The following TPRG1 variants were observed in gnomAD, a reference collection of about 807,000 sequenced individuals.
TPRG1 encodes tumor protein p63 regulated 1.
A neutral mutation model predicts 29.3 loss-of-function variants in TPRG1; 29 were observed. That is an observed-to-expected ratio of 0.99 (90% CI 0.74 to 1.35). The LOEUF (loss-of-function observed/expected upper bound fraction) is 1.35, where lower values mean the gene tolerates loss of function less well. Ranked by LOEUF, TPRG1 falls within the 40% of genes most tolerant of loss-of-function variation. TPRG1 has a pLI of 0.00. For missense variants in TPRG1, 327 were observed against 335.0 expected (o/e 0.98, Z 0.19); for synonymous variants, 130 against 116.8 (o/e 1.11, Z -0.73).
At chr3:189,244,078 T>A (rs1427673356) in intron 4 of TPRG1, among the ~76,000 whole-genome samples, 4 of 152,156 alleles carry the variant, frequency 2.6e-5, no homozygotes, top group Non-Finnish European at 5.9e-5. Flanking sequence ...ACCAATTTTC[T>A]GTATTATTCT....
chr3:189,162,302 C>T (rs1485785404), intron 5 of TPRG1, among the ~76,000 whole-genome samples: 2 of 151,988 alleles, frequency 1.3e-5, no homozygotes, highest in Non-Finnish European at 2.9e-5. Context: ...CGAAGAAGGA[C>T]CATTCTAAGA....
upstream of TPRG1, among the ~76,000 whole-genome samples, chr3:189,095,849 A>C (rs1718640252): frequency 6.6e-6 from 1 of 152,150 alleles, no homozygotes; most frequent in African/African-American, 2.4e-5. Flanking sequence ...GGGATAGAAG[A>C]AGCTCAGCCA....
chr3:189,284,354 C>T (rs184708060), intron 4 of TPRG1, among the ~76,000 whole-genome samples: 1 of 114,802 alleles, frequency 8.7e-6, no homozygotes, highest in Non-Finnish European at 1.8e-5. Flanking sequence ...CTCCCCCCCC[C>T]TCCCCCCACC....
chr3:189,165,437 T>TTTTTTTTTTTTTTTTTTTTTGAGACGG (rs1203050317), intron 5 of TPRG1, among the ~76,000 whole-genome samples: 1 of 149,848 alleles, frequency 6.7e-6, no homozygotes, highest in African/African-American at 2.4e-5. Context: ...CTCAAACTTT[T>TTTTTTTTTTTTTTTTTTTTTGAGACGG]ATGTGCATAA....
intron 4 of TPRG1, among the ~76,000 whole-genome samples, chr3:189,060,471 A>C (rs754057296): frequency 3.9e-5 from 6 of 152,164 alleles, no homozygotes; most frequent in African/African-American, 7.2e-5. Flanking sequence ...AGAAATAAAC[A>C]GCATCCAAAT....
chr3:189,150,619 A>G (rs925967845), intron 4 of TPRG1: 2 of 152,214 alleles, frequency 1.3e-5, no homozygotes, highest in African/African-American at 4.8e-5. Flanking sequence ...ATCACAATAC[A>G]TGATCAATAA....
At chr3:189,287,725 A>G (rs1229034986) in intron 4 of TPRG1, among the ~76,000 whole-genome samples, 3 of 152,192 alleles carry the variant, frequency 2.0e-5, no homozygotes, top group Non-Finnish European at 4.4e-5. Flanking sequence ...TGCCGAGTTA[A>G]TATTGCCTAG....
chr3:189,232,019 AT>A (rs1388637690), intron 3 of TPRG1, among the ~76,000 whole-genome samples: 1 of 150,136 alleles, frequency 6.7e-6, no homozygotes, highest in Non-Finnish European at 1.5e-5. Flanking sequence ...AATGTTTGTG[AT>A]TTTTATTGTA....
intron 5 of TPRG1, among the ~76,000 whole-genome samples, chr3:189,166,220 T>C (rs1340828037): frequency 6.6e-6 from 1 of 152,244 alleles, no homozygotes; most frequent in East Asian, 1.9e-4. Context: ...TGTTGATAGA[T>C]GAGTGCCATA....
intron 5 of TPRG1, among the ~76,000 whole-genome samples, chr3:189,154,805 G>A (rs1016618801): frequency 6.6e-6 from 1 of 152,072 alleles, no homozygotes; most frequent in Non-Finnish European, 1.5e-5. Context: ...AAAATAATAG[G>A]TAAATAAAAC....
intron 4 of TPRG1, among the ~76,000 whole-genome samples, chr3:189,303,976 C>T (rs1350379735): frequency 2.6e-5 from 4 of 152,174 alleles, no homozygotes; most frequent in African/African-American, 9.7e-5. Flanking sequence ...GATCTAAATT[C>T]TGCTCTTGAT....
At chr3:189,124,138 G>A (rs894315190) in intron 1 of TPRG1, among the ~76,000 whole-genome samples, 8 of 152,194 alleles carry the variant, frequency 5.3e-5, no homozygotes, top group Admixed American at 6.5e-5. Context: ...TTCATTCAGA[G>A]CACATGAATT....
intron 5 of TPRG1, among the ~76,000 whole-genome samples, chr3:189,166,684 G>A (rs745694429): frequency 3.9e-5 from 6 of 152,070 alleles, no homozygotes; most frequent in East Asian, 1.9e-4. Context: ...CTAGCTCTTC[G>A]TTTGTGTGTT....
intron 4 of TPRG1, among the ~76,000 whole-genome samples, chr3:189,083,776 G>A (rs763579997): frequency 3.0e-4 from 46 of 152,090 alleles, no homozygotes; most frequent in Non-Finnish European, 5.1e-4. Context: ...TCAGGTCCAG[G>A]TTCAAAACCC....
intron 4 of TPRG1, among the ~76,000 whole-genome samples, chr3:189,277,631 A>C (rs1716396941): frequency 6.6e-6 from 1 of 152,234 alleles, no homozygotes; most frequent in African/African-American, 2.4e-5. Flanking sequence ...AACGTCTTGA[A>C]GTGCTGAAAG....
intron 1 of TPRG1, among the ~76,000 whole-genome samples, chr3:189,180,988 C>A (rs1273829047): frequency 1.2e-4 from 18 of 152,108 alleles, no homozygotes; most frequent in Non-Finnish European, 2.9e-5. Context: ...TGTGTACTGG[C>A]AGGCTCAACT....
chr3:189,119,562 T>G (rs1446166985), intron 1 of TPRG1, among the ~76,000 whole-genome samples: 1 of 152,188 alleles, frequency 6.6e-6, no homozygotes, highest in Non-Finnish European at 1.5e-5. Flanking sequence ...AATCTCCACA[T>G]GTCGTGGGAG....
At chr3:189,229,873 G>A (rs1029038385) in intron 3 of TPRG1, among the ~76,000 whole-genome samples, 4 of 152,162 alleles carry the variant, frequency 2.6e-5, no homozygotes, top group Admixed American at 6.5e-5. Context: ...AAGCTGTAAC[G>A]AACATACTAC....
At chr3:189,163,624 A>G (rs541928207) in intron 5 of TPRG1, among the ~76,000 whole-genome samples, 3 of 152,346 alleles carry the variant, frequency 2.0e-5, no homozygotes, top group East Asian at 1.9e-4. Flanking sequence ...AGTTTCCTTG[A>G]AAAGGAAATA....
Sources: gnomAD v4.1 joint callset for allele counts (sites outside exome capture counted in the v4.1 genomes callset) on GRCh38, gnomAD v4.1.1 for gene constraint, MANE v1.5 for transcripts, NCBI Gene and HGNC (gene_info 2026-07-23, HGNC 2026-07-21) for gene names.